PIGL: variants seen among roughly 807,000 people sequenced by gnomAD.
PIGL encodes phosphatidylinositol glycan anchor biosynthesis class L, also known as N-acetylglucosaminyl-phosphatidylinositol de-N-acetylase.
In PIGL, 22 loss-of-function variants were observed where a neutral mutation model predicts 31.1. The observed-to-expected ratio is 0.71, with a 90% CI of 0.51 to 1.01. PIGL has a LOEUF of 1.01. PIGL is among the 50% of genes least tolerant of loss of function. The pLI is 0.00. For missense variants in PIGL, 302 were observed against 315.9 expected, an observed-to-expected ratio of 0.96 and a Z score of 0.33; for synonymous variants, 131 against 117.4, an observed-to-expected ratio of 1.12 and a Z score of -0.75.
intron 2 of PIGL, among the ~76,000 whole-genome samples, chr17:16,234,846 T>C (rs1239546920): frequency 6.6e-6 from 1 of 152,258 alleles, no homozygotes; most frequent in Non-Finnish European, 1.5e-5. Flanking sequence ...CTGTTCGGAT[T>C]TTTTTTCCTG....
At chr17:16,238,060 G>A (rs988057618) in intron 2 of PIGL, among the ~76,000 whole-genome samples, 3 of 151,700 alleles carry the variant, frequency 2.0e-5, no homozygotes, top group African/African-American at 7.3e-5. Context: ...GTGGGGTGTG[G>A]AGGCACGCGC....
chr17:16,224,381 A>G (rs182481008), intron 1 of PIGL, among the ~76,000 whole-genome samples: 67 of 151,938 alleles, frequency 4.4e-4, no homozygotes, highest in African/African-American at 1.5e-3. Flanking sequence ...ATCTTGGCTC[A>G]CTGTAGCCTC....
chr17:16,238,580 C>T (rs553679156), intron 2 of PIGL, among the ~76,000 whole-genome samples: 23 of 149,150 alleles, frequency 1.5e-4, no homozygotes, highest in East Asian at 4.2e-4. Context: ...GGATTACAGG[C>T]GCCCACCACC....
chr17:16,238,027 C>T (rs1285788025), intron 2 of PIGL, among the ~76,000 whole-genome samples: 1 of 151,724 alleles, frequency 6.6e-6, no homozygotes, highest in East Asian at 1.9e-4. Flanking sequence ...GAAACTCCAT[C>T]TCTACTAAAA....
At chr17:16,254,618 T>G (rs1187230178) in intron 2 of PIGL, among the ~76,000 whole-genome samples, 1 of 151,954 alleles carries the variant, frequency 6.6e-6, no homozygotes, top group Non-Finnish European at 1.5e-5. Context: ...TGTTTTGTTT[T>G]TTTTGAGATA....
At chr17:16,251,294 G>A (rs2092770237) in intron 2 of PIGL, among the ~76,000 whole-genome samples, 1 of 151,958 alleles carries the variant, frequency 6.6e-6, no homozygotes, top group Non-Finnish European at 1.5e-5. Context: ...ATGGTGGCGT[G>A]TGCCTGTGGT....
At chr17:16,257,035 A>G (rs1222601082) in intron 2 of PIGL, among the ~76,000 whole-genome samples, 1 of 152,100 alleles carries the variant, frequency 6.6e-6, no homozygotes, top group Admixed American at 6.6e-5. Context: ...CAGGAAGTCG[A>G]GGCCGCAATG....
At chr17:16,229,997 G>A (rs986841583) in intron 1 of PIGL, among the ~76,000 whole-genome samples, 2 of 151,658 alleles carry the variant, frequency 1.3e-5, no homozygotes, top group African/African-American at 2.4e-5. Flanking sequence ...GAGTAGCTGG[G>A]ACTACAGGCG....
intron 2 of PIGL, among the ~76,000 whole-genome samples, chr17:16,244,004 G>A (rs75773209): frequency 0.01 from 1,543 of 152,262 alleles, 31 homozygotes; most frequent in African/African-American, 0.035. Flanking sequence ...ATGGGGAGTC[G>A]AAGGTCTCTT....
chr17:16,275,285 A>G (rs2092890153), intron 2 of PIGL, among the ~76,000 whole-genome samples: 1 of 151,992 alleles, frequency 6.6e-6, no homozygotes, highest in Non-Finnish European at 1.5e-5. Flanking sequence ...CACTGGTGGG[A>G]GTGTCTTTTA....
Position 16,291,533 on chromosome 17 carries a change from G to C in PIGL, c.336-8355G>C, listed in dbSNP as rs1223473455. Among the ~76,000 whole-genome samples the C allele has an allele frequency of 5.8e-4, 84 of 143,776 alleles. 1 individual carries two copies. Among genetic ancestry groups the C allele is most frequent in the Non-Finnish European group, 5.1e-4 (34 of 66,070 alleles). The allele number at this position is 143,776 out of a possible 152,430, so 94.3% of individuals were successfully genotyped here. A position where few individuals can be genotyped will look rare whatever the true frequency, so the allele number is the denominator to read the frequency against. Reference sequence around the variant, plus strand: ...AAAAAAAAAAAAAAAAAGAAAGAAAGAAATTATATGGATTTTTCAGGGAGC... The same window carrying C: ...AAAAAAAAAAAAAAAAAGAAAGAAACAAATTATATGGATTTTTCAGGGAGC... On this transcript the variant is annotated intron_variant, in intron 2 of 6. Coordinates refer to ENST00000225609, the MANE Select transcript of PIGL (RefSeq NM_004278.4).
Position 16,313,541 on chromosome 17 carries a change from C to G in PIGL, c.427-6C>G. 6.2e-7 allele frequency: 1 copy of G among 1,609,086 alleles called. No individual in the cohort carries two copies. The highest frequency in any genetic ancestry group is 8.5e-7 in the Non-Finnish European group (1 of 1,175,400). On this transcript the variant is annotated splice_region_variant and splice_polypyrimidine_tract_variant and intron_variant, in intron 3 of 6. Coordinates refer to ENST00000225609, the MANE Select transcript of PIGL (RefSeq NM_004278.4). The stretch of plus-strand genomic sequence containing the variant: ...CATTCAGTGAAAACCCTGTGTTTCT[C>G]TACAGGTGGTGACTTTCGATGCAGG...
At chr17:16,307,042 G>A (rs2093029371) in intron 3 of PIGL, among the ~76,000 whole-genome samples, 1 of 152,216 alleles carries the variant, frequency 6.6e-6, no homozygotes, top group Non-Finnish European at 1.5e-5. Context: ...GGAAATGAAA[G>A]CGAGAGGGTT....
At chr17:16,294,226 C>G (rs192155079) in intron 2 of PIGL, among the ~76,000 whole-genome samples, 1 of 152,102 alleles carries the variant, frequency 6.6e-6, no homozygotes, top group African/African-American at 2.4e-5. Flanking sequence ...TGATGCAGCT[C>G]CTGCCAGGTC....
intron 2 of PIGL, among the ~76,000 whole-genome samples, chr17:16,291,556 A>C (rs1245557503): frequency 1.4e-5 from 2 of 147,096 alleles, no homozygotes; most frequent in Non-Finnish European, 3.0e-5. Flanking sequence ...TTTTTCAGGG[A>C]GCTTACAAGG....
At chr17:16,317,587 C>T in intron 5 of PIGL, 188 bp from the exon 6 acceptor site, 2 of 1,397,770 alleles carry the variant, frequency 1.4e-6, no homozygotes, top group Non-Finnish European at 1.9e-6. Flanking sequence ...TCTTCTATGG[C>T]CCTTTTACTC....
intron 6 of PIGL, 99 bp from the exon 7 acceptor site, chr17:16,325,701 T>G: frequency 2.3e-6 from 2 of 862,556 alleles, no homozygotes; most frequent in Non-Finnish European, 3.9e-6. Flanking sequence ...TGAAGCATAT[T>G]AGTTCGAGGA....
At chr17:16,231,218 A>ATTTAT (rs1453544103) in intron 1 of PIGL, among the ~76,000 whole-genome samples, 2 of 137,690 alleles carry the variant, frequency 1.5e-5, no homozygotes, top group African/African-American at 5.4e-5. Flanking sequence ...CTTCTTACTG[A>ATTTAT]TTTATTTTCT....
intron 2 of PIGL, among the ~76,000 whole-genome samples, chr17:16,256,397 G>T (rs1168884938): frequency 6.6e-6 from 1 of 152,124 alleles, no homozygotes; most frequent in Non-Finnish European, 1.5e-5. Context: ...GAGTGCAATG[G>T]CATGATCTCG....
Sources: gnomAD v4.1 joint callset for allele counts (sites outside exome capture counted in the v4.1 genomes callset) on GRCh38, gnomAD v4.1.1 for gene constraint, MANE v1.5 for transcripts, NCBI Gene and HGNC (gene_info 2026-07-23, HGNC 2026-07-21) for gene names.